The following COL5A3 variants were observed in gnomAD, a reference collection of about 807,000 sequenced individuals.
The protein encoded by COL5A3 is collagen type V alpha 3 chain.
In COL5A3, 172 loss-of-function variants were observed where a neutral mutation model predicts 250.0. The ratio of observed to expected loss-of-function variants is 0.69; its 90% CI spans 0.61 to 0.78. The LOEUF is 0.78. Among genes scored for constraint, COL5A3 ranks in the 30% least tolerant of loss-of-function variants. The pLI is 0.00. For missense variants in COL5A3, 2,340 were observed against 2,334.4 expected (o/e 1.00, Z -0.05); for synonymous variants, 937 against 900.4 (o/e 1.04, Z -0.73).
intron 8 of COL5A3, among the ~76,000 whole-genome samples, chr19:9,999,864 G>A (rs2087332740): frequency 6.6e-6 from 1 of 152,082 alleles, no homozygotes; most frequent in South Asian, 2.1e-4. Context: ...CACCTCCTGG[G>A]CTCAAGCGAT....
At chr19:9,999,779 T>C (rs2087331299) in intron 8 of COL5A3, among the ~76,000 whole-genome samples, 1 of 152,098 alleles carries the variant, frequency 6.6e-6, no homozygotes, top group African/African-American at 2.4e-5. Context: ...GCCTCTTTTC[T>C]TTTCTCTAGA....
intron 31 of COL5A3, among the ~76,000 whole-genome samples, chr19:9,984,348 A>T (rs941351543): frequency 6.6e-6 from 1 of 151,990 alleles, no homozygotes; most frequent in African/African-American, 2.4e-5. Context: ...TTCCTGCTCT[A>T]CTCTAGAGAA....
rs1378455251 is a variant in COL5A3 at position 9,977,635 on chromosome 19, T to A, written c.3085A>T (p.Ser1029Cys). Residue 1029 changes from serine to cysteine, a missense_variant, in exon 42 of 67, where the codon AGC (serine) becomes TGC (cysteine). Transcript: ENST00000264828. ...CCTGCAGGGCCAACGGGGCCTTCGC[T>A]GCCACTTTGGCCAGGAAGTCCAATG... ...GGIGLPGQSG[S>C]EGPVGPAGKK... The A allele has an allele frequency of 1.2e-6, 2 of 1,607,584 alleles. No individual in the cohort carries two copies. Among genetic ancestry groups the A allele is most frequent in the East Asian group, 4.5e-5 (2 of 44,740 alleles).
chr19:9,985,788 T>C, intron 31 of COL5A3, 54 bp downstream of exon 31: 1 of 1,502,924 alleles, frequency 6.7e-7, no homozygotes, highest in South Asian at 1.1e-5. Flanking sequence ...CCCCAGATGT[T>C]AGTCTCTGAA....
intron 30 of COL5A3, 81 bp from the exon 31 acceptor site, chr19:9,985,976 G>C: frequency 8.1e-7 from 1 of 1,229,690 alleles, no homozygotes; most frequent in Non-Finnish European, 1.2e-6. Context: ...CTGGGGCATG[G>C]TGAATGGGCT....
chr19:9,969,236 C>A, intron 57 of COL5A3, 113 bp downstream of exon 57: 1 of 895,536 alleles, frequency 1.1e-6, no homozygotes, highest in South Asian at 1.7e-5. Flanking sequence ...GCAGTATGGA[C>A]ACTCAGATGG....
chr19:10,010,389 G>T lies in COL5A3; in HGVS notation c.-4C>A, dbSNP rs1198005274. 8.4e-6 allele frequency: 12 copies of T among 1,432,482 alleles called. No homozygotes were observed. Among genetic ancestry groups the T allele is most frequent in the Admixed American group, 2.8e-5 (1 of 35,760 alleles). 88.7% of individuals were successfully genotyped at this position (1,432,482 alleles called of 1,614,324 possible). A position where few individuals can be genotyped will look rare whatever the true frequency, so the allele number is the denominator to read the frequency against. Reference sequence around the variant, plus strand: ...CCAGGTCCCGGCGGTTCCCCATCCCGGCGGGGCCCACGGGCAAGGCGGGGA... The same window carrying T: ...CCAGGTCCCGGCGGTTCCCCATCCCTGCGGGGCCCACGGGCAAGGCGGGGA... On this transcript the variant is annotated 5_prime_UTR_variant, in exon 1 of 67. Coordinates refer to ENST00000264828, the MANE Select transcript of COL5A3 (RefSeq NM_015719.4).
intron 4 of COL5A3, among the ~76,000 whole-genome samples, chr19:10,004,396 C>A (rs564967308): frequency 2.0e-5 from 3 of 152,346 alleles, no homozygotes; most frequent in Non-Finnish European, 2.9e-5. Flanking sequence ...ACATCCCACA[C>A]ATCTGCCCCA....
intron 8 of COL5A3, 66 bp downstream of exon 8, chr19:10,001,458 A>G (rs1599227528): frequency 6.5e-7 from 1 of 1,533,544 alleles, no homozygotes; most frequent in Non-Finnish European, 8.8e-7. Context: ...AAATAAATAA[A>G]TTTTAAAAAA....
At chr19:9,971,892 T>C (rs945864464) in intron 51 of COL5A3, among the ~76,000 whole-genome samples, 2 of 109,684 alleles carry the variant, frequency 1.8e-5, no homozygotes, top group African/African-American at 8.3e-5. Context: ...ATTCAAGTGT[T>C]AGAATGATCT....
intron 6 of COL5A3, among the ~76,000 whole-genome samples, chr19:10,002,770 CA>C (rs904591299): frequency 6.6e-6 from 1 of 152,158 alleles, no homozygotes; most frequent in African/African-American, 2.4e-5. Context: ...CAATGACCCC[CA>C]AATAGTAATT....
In COL5A3 at chr19:9,970,956, CCT is replaced by C. The variant is rs755505875; in HGVS notation, c.3882+17_3882+18del. ...CCCAACCCCCGCCTCAGCACCACAC[CCT>C]CTGTTTTCCCACTCACCGGTCCCCC... On this transcript the variant is annotated intron_variant, in intron 53 of 66. Coordinates refer to ENST00000264828, the MANE Select transcript of COL5A3 (RefSeq NM_015719.4). The C allele has an allele frequency of 3.8e-6, 6 of 1,563,778 alleles. No individual in the cohort carries two copies. Among genetic ancestry groups the C allele is most frequent in the African/African-American group, 2.8e-5 (2 of 72,262 alleles).
rs2087153746 is a variant in COL5A3, at chr19:9,989,313, G to A, written c.2091+9C>T. On this transcript the variant is annotated intron_variant, in intron 26 of 66. Transcript: ENST00000264828. ...GTCCCCAACCCAGCCTAACCTCCTG[G>A]TCACTCACCTGAGCCCCTTTCTCTC... The A allele has an allele frequency of 1.3e-5, 21 of 1,613,984 alleles. No individual in the cohort carries two copies. Among genetic ancestry groups the A allele is most frequent in the Non-Finnish European group, 1.7e-5 (20 of 1,180,008 alleles).
At chr19:9,990,455 T>C (rs1324833815) in intron 24 of COL5A3, among the ~76,000 whole-genome samples, 1 of 151,624 alleles carries the variant, frequency 6.6e-6, no homozygotes, top group East Asian at 1.9e-4. Flanking sequence ...AATAAATACT[T>C]GAGGGGATGG....
In COL5A3 at chr19:9,976,590, T is replaced by C; in HGVS notation, c.3310A>G (p.Ile1104Val). Residue 1104 changes from isoleucine to valine, a missense_variant, in exon 45 of 67, where the codon ATA (isoleucine) becomes GTA (valine). Transcript: ENST00000264828. ...GDAGPPGQPG[I>V]RGPAGHPGPP... ...CCTGGGTGTCCTGCAGGACCCCGTA[T>C]CCCTGGTTGTCCAGGTGGGCCCTGG... 11 of 1,569,036 alleles carry C rather than the reference T, an allele frequency of 7.0e-6. No individual in the cohort carries two copies. Among genetic ancestry groups the C allele is most frequent in the Non-Finnish European group, 9.4e-6 (11 of 1,164,034 alleles).
intron 1 of COL5A3, among the ~76,000 whole-genome samples, chr19:10,007,657 C>T (rs979411816): frequency 3.9e-5 from 6 of 152,242 alleles, no homozygotes; most frequent in Admixed American, 1.3e-4. Context: ...TGACCTCACC[C>T]CTGGGGGCGG....
intron 16 of COL5A3, among the ~76,000 whole-genome samples, chr19:9,994,838 T>G (rs1248598494): frequency 6.6e-6 from 1 of 151,774 alleles, no homozygotes; most frequent in African/African-American, 2.4e-5. Context: ...TTTGTATGTC[T>G]AAACACATCC....
Position 10,008,456 on chromosome 19 carries a change from G to C in COL5A3, c.88+1842C>G, listed in dbSNP as rs1048738692. ...CAGGGGACAAGGGGTGGGGGGGTCT[G>C]TCAGGGGCCCAGCCTGCCCCCTGCC... On this transcript the variant is annotated intron_variant, in intron 1 of 66. Transcript: ENST00000264828. Among the ~76,000 whole-genome samples the C allele has an allele frequency of 1.3e-5, 2 of 150,262 alleles. 1 individual carries two copies.
At position 9,985,906 on chromosome 19, in the gene COL5A3, G is replaced by A. The variant is rs1279185450; in HGVS notation, c.2353-11C>T. The A allele has an allele frequency of 6.2e-7, 1 of 1,613,902 alleles. No homozygotes were observed. The highest frequency in any genetic ancestry group is 1.3e-5 in the African/African-American group (1 of 74,938). ...CACCCCAAGCTTGCCCTGCAGAAAG[G>A]TTATGGGACAAAGGTCAGAAATTGC... On this transcript the variant is annotated splice_polypyrimidine_tract_variant and intron_variant, in intron 30 of 66. Transcript: ENST00000264828.
Sources: allele counts gnomAD v4.1 joint callset (sites outside exome capture counted in the v4.1 genomes callset), GRCh38; gene constraint gnomAD v4.1.1; transcripts MANE v1.5; gene names NCBI Gene and HGNC (gene_info 2026-07-23, HGNC 2026-07-21).